The following GAS2 variants were observed in gnomAD, a reference collection of about 807,000 sequenced individuals.
GAS2 encodes growth arrest-specific protein 2.
In GAS2, 20 loss-of-function variants were observed where a neutral mutation model predicts 37.5. The observed-to-expected ratio is 0.53, with a 90% CI of 0.37 to 0.77. GAS2 has a LOEUF of 0.77. Ranked by LOEUF, GAS2 falls within the 30% of genes least tolerant of loss-of-function variation. The probability of loss-of-function intolerance (pLI) is 0.00; values close to 1 mark genes in which losing one functional copy is unlikely to be tolerated. For missense variants in GAS2, 336 were observed against 373.4 expected (o/e 0.90, Z 0.82); for synonymous variants, 144 against 132.2 (o/e 1.09, Z -0.61).
chr11:22,630,396 A>G (rs1163273336), intron 1 of GAS2, among the ~76,000 whole-genome samples: 2 of 152,280 alleles, frequency 1.3e-5, no homozygotes, highest in Admixed American at 1.3e-4. Context: ...ATGGGCAAGA[A>G]CTTCATGTCT....
chr11:22,766,757 T>C (rs79866331), intron 7 of GAS2, among the ~76,000 whole-genome samples: 2,522 of 152,262 alleles, frequency 0.017, 58 homozygotes, highest in East Asian at 0.062. Flanking sequence ...AAAAATTTAT[T>C]CTAGGAATGA....
At chr11:22,764,795 A>T (rs145378885) in intron 7 of GAS2, among the ~76,000 whole-genome samples, 15 of 152,322 alleles carry the variant, frequency 9.8e-5, no homozygotes, top group Middle Eastern at 3.4e-3. Flanking sequence ...ATTATTCTTC[A>T]TTAAAAACTT....
At chr11:22,801,023 A>C (rs1483376979) in intron 7 of GAS2, among the ~76,000 whole-genome samples, 1 of 150,828 alleles carries the variant, frequency 6.6e-6, no homozygotes, top group Middle Eastern at 3.4e-3. Context: ...TGTGATCTAC[A>C]TGAATGTAGA....
Position 22,717,218 on chromosome 11 carries a change from C to T in GAS2, c.268-9074C>T, listed in dbSNP as rs372117394. ...CAAGACTAAGCAAAAAGAACAAATC[C>T]GATGGCATCACATTACCCGATTTCA... On this transcript the variant is annotated intron_variant, in intron 3 of 7. Transcript: ENST00000454584. Among the ~76,000 whole-genome samples the T allele has an allele frequency of 8.5e-5, 13 of 152,062 alleles. No homozygotes were observed. In the East Asian group the frequency reaches 1.7e-3, roughly 20 times the overall value.
At chr11:22,790,568 C>T (rs1856099330) in intron 7 of GAS2, among the ~76,000 whole-genome samples, 1 of 150,576 alleles carries the variant, frequency 6.6e-6, no homozygotes, top group Non-Finnish European at 1.5e-5. Context: ...CTGAAAGTAT[C>T]CTCAATGTTT....
At chr11:22,727,382 C>G (rs1490904398) in intron 4 of GAS2, among the ~76,000 whole-genome samples, 1 of 151,960 alleles carries the variant, frequency 6.6e-6, no homozygotes. Flanking sequence ...AACAAGTATA[C>G]AAATTACCTT....
chr11:22,729,182 A>C lies in GAS2; in HGVS notation c.409+2749A>C, dbSNP rs76574567. 3.0e-3 allele frequency among the ~76,000 whole-genome samples: 459 copies of C among 151,976 alleles called. 13 individuals are homozygous for C. The East Asian group carries it at 0.078, about 26-fold the overall frequency. On this transcript the variant is annotated intron_variant, in intron 4 of 7. Coordinates refer to ENST00000454584, the MANE Select transcript of GAS2 (RefSeq NM_001143830.3). ...TTTGAATGATAAAGTAGATCACTGT[A>C]CTGAGTGTGTATGAAGAGGCTTCTG...
rs577235341 is a variant in GAS2 at position 22,749,024 on chromosome 11, G to A, written c.474-96G>A. The A allele has an allele frequency of 3.1e-5, 37 of 1,182,232 alleles. No individual in the cohort carries two copies. In the South Asian group the frequency reaches 5.4e-4, roughly 17 times the overall value. 73.2% of individuals were successfully genotyped at this position (1,182,232 alleles called of 1,614,324 possible). A position where few individuals can be genotyped will look rare whatever the true frequency, so the allele number is the denominator to read the frequency against. On this transcript the variant is annotated intron_variant, in intron 5 of 7. Transcript: ENST00000454584. The stretch of plus-strand genomic sequence containing the variant: ...AAGTGAATGTTATTTTTAAAAGTCA[G>A]TGATTTACTCCCATGGTGCTCATCA...
At chr11:22,732,907 A>G (rs1390696880) in intron 4 of GAS2, among the ~76,000 whole-genome samples, 1 of 151,682 alleles carries the variant, frequency 6.6e-6, no homozygotes, top group Non-Finnish European at 1.5e-5. Context: ...AGGAATTATA[A>G]CTACTATTTA....
chr11:22,804,177 T>C (rs1012731367), intron 7 of GAS2, among the ~76,000 whole-genome samples: 3 of 152,068 alleles, frequency 2.0e-5, no homozygotes, highest in African/African-American at 7.2e-5. Flanking sequence ...GTGAAAACCA[T>C]GAGGTTACAA....
intron 3 of GAS2, among the ~76,000 whole-genome samples, chr11:22,715,080 G>C (rs1851598332): frequency 6.6e-6 from 1 of 152,084 alleles, no homozygotes; most frequent in African/African-American, 2.4e-5. Context: ...CAAAAAGCTT[G>C]TTCTTTGAAA....
chr11:22,637,108 T>C (rs1231977351), intron 1 of GAS2, among the ~76,000 whole-genome samples: 1 of 129,782 alleles, frequency 7.7e-6, no homozygotes, highest in African/African-American at 3.0e-5. Flanking sequence ...TATTACATTA[T>C]ATTAATATAA....
At chr11:22,752,644 A>C (rs1396744461) in intron 6 of GAS2, among the ~76,000 whole-genome samples, 3 of 151,936 alleles carry the variant, frequency 2.0e-5, no homozygotes, top group Non-Finnish European at 4.4e-5. Context: ...CACCCCAAAA[A>C]AGAAAAGGAG....
intron 7 of GAS2, among the ~76,000 whole-genome samples, chr11:22,802,521 T>C (rs1856713505): frequency 6.6e-6 from 1 of 151,340 alleles, no homozygotes; most frequent in African/African-American, 2.4e-5. Context: ...CCCTTCAGAA[T>C]TGAGAAATGT....
In GAS2 at chr11:22,811,846, A is replaced by G. The variant is rs1183737693; in HGVS notation, c.772A>G (p.Thr258Ala). The change falls in exon 8 of 8, where the codon ACT (threonine) becomes GCT (alanine). Residue 258 changes from threonine to alanine, a missense_variant. Physicochemically the swap from Thr to Ala is moderately conservative, Grantham distance 58. Coordinates refer to ENST00000454584, the MANE Select transcript of GAS2 (RefSeq NM_001143830.3). ...VMVRVGGGWE[T>A]FAGYLLKHDP... Reference sequence around the variant, plus strand: ...GGTCCGTGTGGGAGGAGGCTGGGAAACTTTTGCAGGGTATTTGTTGAAACA... The same window carrying G: ...GGTCCGTGTGGGAGGAGGCTGGGAAGCTTTTGCAGGGTATTTGTTGAAACA... The G allele has an allele frequency of 1.2e-6, 2 of 1,614,024 alleles. No homozygotes were observed. The highest frequency in any genetic ancestry group is 2.7e-5 in the African/African-American group (2 of 74,934).
At chr11:22,649,240 A>G (rs1848741604) in intron 1 of GAS2, among the ~76,000 whole-genome samples, 1 of 152,076 alleles carries the variant, frequency 6.6e-6, no homozygotes, top group East Asian at 1.9e-4. Context: ...CGTATATTGA[A>G]CCAGCCTTGC....
chr11:22,697,419 C>T (rs337467), intron 3 of GAS2, among the ~76,000 whole-genome samples: 31,197 of 151,820 alleles, frequency 0.21, 3,500 homozygotes, highest in East Asian at 0.41. Flanking sequence ...ATTGACTTGG[C>T]GATGCGGGCT....
At chr11:22,791,398 G>C (rs1044870835) in intron 7 of GAS2, among the ~76,000 whole-genome samples, 1 of 152,132 alleles carries the variant, frequency 6.6e-6, no homozygotes, top group African/African-American at 2.4e-5. Flanking sequence ...TCAGTGCTGA[G>C]GTCTTCAAGA....
intron 7 of GAS2, among the ~76,000 whole-genome samples, chr11:22,807,594 C>T (rs1289162443): frequency 1.3e-5 from 2 of 152,116 alleles, no homozygotes; most frequent in African/African-American, 4.8e-5. Flanking sequence ...AAATTGTTAC[C>T]AATACACCAG....
Sources: allele counts gnomAD v4.1 joint callset (sites outside exome capture counted in the v4.1 genomes callset), GRCh38; gene constraint gnomAD v4.1.1; transcripts MANE v1.5; gene names NCBI Gene and HGNC (gene_info 2026-07-23, HGNC 2026-07-21).